CD27: variants seen among roughly 807,000 people sequenced by gnomAD.
CD27 encodes the protein CD27 antigen.
CD27 carries 16 observed loss-of-function variants against 25.9 expected under a neutral mutation model. The observed-to-expected ratio is 0.62, with a 90% CI of 0.42 to 0.94. CD27 has a LOEUF of 0.94. Ranked by LOEUF, CD27 falls within the 40% of genes least tolerant of loss-of-function variation. The pLI is 0.00. For synonymous variants in CD27, 142 were observed against 124.3 expected (o/e 1.14, Z -0.95); for missense variants, 300 against 333.2 (o/e 0.90, Z 0.78).
intron 2 of CD27, among the ~76,000 whole-genome samples, chr12:6,449,716 GGC>G (rs761767574): frequency 1 from 151,470 of 151,642 alleles, 75,649 homozygotes; most frequent in Non-Finnish European, 1. Flanking sequence ...CGGGTGTGGT[GGC>G]ACACACCTGT....
intron 2 of CD27, among the ~76,000 whole-genome samples, chr12:6,446,687 G>A (rs1342425916): frequency 1.3e-5 from 2 of 151,898 alleles, no homozygotes; most frequent in Non-Finnish European, 2.9e-5. Context: ...GCTGAGATGG[G>A]AAGATCACTT....
rs776987485 is a variant in CD27 at position 6,450,956 on chromosome 12, C to T, written c.600C>T (p.Phe200=). 3 of 1,614,104 alleles carry T rather than the reference C, an allele frequency of 1.9e-6. No individual in the cohort carries two copies. Among genetic ancestry groups the T allele is most frequent in the Non-Finnish European group, 2.5e-6 (3 of 1,179,980 alleles). The change falls in exon 5 of 6, where the codon TTC becomes TTT. Residue 200 remains phenylalanine (F), a synonymous_variant. Transcript: ENST00000266557. This position sits in a 1 kb window ranked among gnomAD's most constrained non-coding sequence, Gnocchi z 4.1. ...TCCTTGTGATCTTCTCTGGAATGTT[C>T]CTTGTTTTCACCCTGGCCGGGGCCC... ...IRILVIFSGM[F]LVFTLAGALF...
chr12:6,450,839 G>A lies in CD27; in HGVS notation c.539-56G>A, dbSNP rs1949526591. The A allele has an allele frequency of 2.5e-6, 4 of 1,610,448 alleles. No individual in the cohort carries two copies. Among genetic ancestry groups the A allele is most frequent in the Admixed American group, 3.3e-5 (2 of 59,938 alleles). ...GGCAAGGTGACAGGAGGGCTGGGCTGAGGGAGCCAAGGGCTAGACCCTCCC... is the reference window on the plus strand; with the variant it reads ...GGCAAGGTGACAGGAGGGCTGGGCTAAGGGAGCCAAGGGCTAGACCCTCCC... On this transcript the variant is annotated intron_variant, in intron 4 of 5. Transcript: ENST00000266557. This position sits in a 1 kb window ranked among gnomAD's most constrained non-coding sequence, Gnocchi z 4.1.
chr12:6,448,162 C>T (rs1196535443), intron 2 of CD27: 1 of 152,262 alleles, frequency 6.6e-6, no homozygotes, highest in Middle Eastern at 3.2e-3. Context: ...TGACAAAAGG[C>T]ATAAGTAGAA....
intron 2 of CD27, among the ~76,000 whole-genome samples, chr12:6,448,371 C>G (rs1949452382): frequency 6.6e-6 from 1 of 152,128 alleles, no homozygotes; most frequent in Non-Finnish European, 1.5e-5. Flanking sequence ...TCCTCTCAAA[C>G]CAGCCGCCAG....
At position 6,449,406 on chromosome 12, in the gene CD27, C is replaced by T. The variant is rs145143384; in HGVS notation, c.269-767C>T. Among the ~76,000 whole-genome samples, 918 of 151,212 alleles carry T rather than the reference C, an allele frequency of 6.1e-3. 11 individuals are homozygous for T. The highest frequency in any genetic ancestry group is 0.022 in the African/African-American group (884 of 41,056). On this transcript the variant is annotated intron_variant, in intron 2 of 5. Transcript: ENST00000266557. ...TCGGCTCACTGCAACTTCCACCTCCCGGGTTCAAGCAATTCCCTGCCTCAC... is the reference window on the plus strand; with the variant it reads ...TCGGCTCACTGCAACTTCCACCTCCTGGGTTCAAGCAATTCCCTGCCTCAC...
rs1949402311 is a variant in CD27 at position 6,445,485 on chromosome 12, A to G, written c.198A>G (p.Ile66Met). Residue 66 changes from isoleucine (I) to methionine (M), a missense_variant, in exon 2 of 6, where the codon ATA (isoleucine) becomes ATG (methionine). Transcript: ENST00000266557. This position sits in a 1 kb window ranked among gnomAD's most constrained non-coding sequence, Gnocchi z 4.5. ...HRKAAQCDPC[I>M]PGVSFSPDHH... Reference sequence around the variant, plus strand: ...AGGCTGCTCAGTGTGATCCTTGCATACCGGGGGTCTCCTTCTCTCCTGACC... The same window carrying G: ...AGGCTGCTCAGTGTGATCCTTGCATGCCGGGGGTCTCCTTCTCTCCTGACC... The G allele has an allele frequency of 1.2e-6, 2 of 1,614,066 alleles. No individual in the cohort carries two copies. Among genetic ancestry groups the G allele is most frequent in the Admixed American group, 1.7e-5 (1 of 60,018 alleles).
At position 6,450,807 on chromosome 12, in the gene CD27, G is replaced by C. The variant is rs1197315795; in HGVS notation, c.539-88G>C. On this transcript the variant is annotated intron_variant, in intron 4 of 5. Transcript: ENST00000266557. This position sits in a 1 kb window ranked among gnomAD's most constrained non-coding sequence, Gnocchi z 4.1. ...GTGGGATAGAATAAGGTGGGGGAAA[G>C]GGGAGAGGCAAGGTGACAGGAGGGC... 1 of 1,570,074 alleles carries C rather than the reference G, an allele frequency of 6.4e-7. No homozygotes were observed. Among genetic ancestry groups the C allele is most frequent in the Non-Finnish European group, 8.7e-7 (1 of 1,146,244 alleles).
In CD27 at chr12:6,444,960, A is replaced by G. The variant is rs1305023194; in HGVS notation, c.-136A>G. 1 of 928,772 alleles carries G rather than the reference A, an allele frequency of 1.1e-6. No individual in the cohort carries two copies. Among genetic ancestry groups the G allele is most frequent in the Non-Finnish European group, 1.5e-6 (1 of 645,162 alleles). 57.5% of individuals were successfully genotyped at this position (928,772 alleles called of 1,614,324 possible). ...AGCCACAATAGAGATTCTGCCTTCA[A>G]AGGTTGGCTTGCCACCTGAAGCAGC... On this transcript the variant is annotated 5_prime_UTR_variant, in exon 1 of 6. Coordinates refer to ENST00000266557, the MANE Select transcript of CD27 (RefSeq NM_001242.5).
In CD27 at chr12:6,451,361, A is replaced by C. The variant is rs760072720; in HGVS notation, c.752A>C (p.Tyr251Ser). Residue 251 changes from tyrosine (Y) to serine (S), a missense_variant, in exon 6 of 6, where the codon TAC (tyrosine) becomes TCC (serine). Physicochemically the swap from Tyr to Ser is moderately radical, Grantham distance 144 (BLOSUM62 -2). Transcript: ENST00000266557. The part of the protein sequence containing the change: ...EGSTIPIQED[Y>S]RKPEPACSP ...AGCACCATCCCCATCCAGGAGGATTACCGAAAACCGGAGCCTGCCTGCTCC... is the reference window on the plus strand; with the variant it reads ...AGCACCATCCCCATCCAGGAGGATTCCCGAAAACCGGAGCCTGCCTGCTCC... 5 of 1,613,588 alleles carry C rather than the reference A, an allele frequency of 3.1e-6. No individual in the cohort carries two copies. The highest frequency in any genetic ancestry group is 4.2e-6 in the Non-Finnish European group (5 of 1,179,982).
At chr12:6,447,525 G>A (rs1949434466) in intron 2 of CD27, 1 of 152,226 alleles carries the variant, frequency 6.6e-6, no homozygotes, top group Non-Finnish European at 1.5e-5. Flanking sequence ...GGACATGCCT[G>A]AAGTCAGCCT....
At chr12:6,448,791 A>C (rs1158177892) in intron 2 of CD27, 1 of 151,174 alleles carries the variant, frequency 6.6e-6, no homozygotes, top group African/African-American at 2.4e-5. Context: ...ATAAAGGCTA[A>C]GTAACTGTAA....
chr12:6,450,587 C>T lies in CD27; in HGVS notation c.495C>T (p.Asp165=), dbSNP rs375150093. 2.3e-4 allele frequency: 370 copies of T among 1,613,294 alleles called. No individual in the cohort carries two copies. The highest frequency in any genetic ancestry group is 2.9e-4 in the Non-Finnish European group (347 of 1,180,030). The change falls in exon 4 of 6, where the codon GAC becomes GAT. Residue 165 remains aspartate (D), a synonymous_variant. Transcript: ENST00000266557. The surrounding 1 kb of genome is among the most constrained non-coding windows in gnomAD (Gnocchi z 4.1). ...RTAGHMQTLA[D]FRQLPARTLS... is the part of the protein sequence containing the mutation. ...CTGGGCACATGCAGACTCTGGCTGA[C>T]TTCAGGCAGCTGCCTGCCCGGACTC... is the stretch of plus-strand genomic sequence containing the variant.
rs1592117493 is a variant in CD27, at chr12:6,445,286, G to A, written c.136+55G>A. 2.5e-6 allele frequency: 4 copies of A among 1,611,240 alleles called. No individual in the cohort carries two copies. The East Asian group carries it at 6.7e-5, about 27-fold the overall frequency. On this transcript the variant is annotated intron_variant, in intron 1 of 5. Coordinates refer to ENST00000266557, the MANE Select transcript of CD27 (RefSeq NM_001242.5). This position sits in a 1 kb window ranked among gnomAD's most constrained non-coding sequence, Gnocchi z 4.5. ...GAGTGGCGAAAGAGAGAGGACTGGGGTTAATACAGTAAATAGGCGCAGGGT... is the reference window on the plus strand; with the variant it reads ...GAGTGGCGAAAGAGAGAGGACTGGGATTAATACAGTAAATAGGCGCAGGGT...
chr12:6,451,700 G>A lies in CD27; in HGVS notation c.*308G>A, dbSNP rs192248198. 8 of 333,674 alleles carry A rather than the reference G, an allele frequency of 2.4e-5. No homozygotes were observed. The highest frequency in any genetic ancestry group is 4.4e-5 in the Admixed American group (1 of 22,588). The allele number at this position is 333,674 out of a possible 1,614,324, so 20.7% of individuals were successfully genotyped here. On this transcript the variant is annotated 3_prime_UTR_variant, in exon 6 of 6. Transcript: ENST00000266557. ...TGCTACAAGACGGGCAAAATAAAGT[G>A]ACAGATGACCACCCTGCAGCTCTCC...
chr12:6,451,363 CG>C lies in CD27; in HGVS notation c.755del (p.Arg252GlnfsTer34). 28 of 1,613,726 alleles carry C rather than the reference CG, an allele frequency of 1.7e-5. No homozygotes were observed. The highest frequency in any genetic ancestry group is 2.4e-5 in the Non-Finnish European group (28 of 1,179,998). On this transcript the variant is annotated frameshift_variant, in exon 6 of 6. Coordinates refer to ENST00000266557, the MANE Select transcript of CD27 (RefSeq NM_001242.5). LOFTEE classifies it high-confidence loss of function. ...GSTIPIQEDY[R>X]KPEPACSP The stretch of plus-strand genomic sequence containing the variant: ...CACCATCCCCATCCAGGAGGATTAC[CG>C]AAAACCGGAGCCTGCCTGCTCCCCC...
In CD27 at chr12:6,450,380, T is replaced by A. The variant is rs773943561; in HGVS notation, c.448+28T>A. 7 of 1,602,100 alleles carry A rather than the reference T, an allele frequency of 4.4e-6. No individual in the cohort carries two copies. Among genetic ancestry groups the A allele is most frequent in the Non-Finnish European group, 6.0e-6 (7 of 1,174,816 alleles). ...AAGTTCCAGGCAACTCTCTGTGCCATCACGTGGGGTAGCGGTGATACCCCA... is the reference window on the plus strand; with the variant it reads ...AAGTTCCAGGCAACTCTCTGTGCCAACACGTGGGGTAGCGGTGATACCCCA... On this transcript the variant is annotated intron_variant, in intron 3 of 5. Transcript: ENST00000266557. The surrounding 1 kb of genome is among the most constrained non-coding windows in gnomAD (Gnocchi z 4.1).
Position 6,445,048 on chromosome 12 carries a change from G to A in CD27, c.-48G>A, listed in dbSNP as rs765491274. 1.3e-6 allele frequency: 2 copies of A among 1,561,970 alleles called. No individual in the cohort carries two copies. The highest frequency in any genetic ancestry group is 2.0e-5 in the Admixed American group (1 of 50,190). On this transcript the variant is annotated 5_prime_UTR_variant, in exon 1 of 6. Transcript: ENST00000266557. The surrounding 1 kb of genome is among the most constrained non-coding windows in gnomAD (Gnocchi z 4.5). ...CAGCTTGGAGGTGCTAACTCCAGAG[G>A]CCAGCATCAGCAACTGGGCACAGAA... is the stretch of plus-strand genomic sequence containing the variant.
upstream of CD27, among the ~76,000 whole-genome samples, chr12:6,444,571 C>A (rs918430910): frequency 6.9e-6 from 1 of 145,214 alleles, no homozygotes; most frequent in Non-Finnish European, 1.5e-5. Context: ...GTTCTCCTTC[C>A]TTCTTTCAAC....
Sources: gnomAD v4.1 joint callset for allele counts (sites outside exome capture counted in the v4.1 genomes callset) on GRCh38, gnomAD v4.1.1 for gene constraint, Gnocchi (gnomAD v3.1) non-coding constraint, MANE v1.5 for transcripts, NCBI Gene and HGNC (gene_info 2026-07-23, HGNC 2026-07-21) for gene names.